Variants in ANGPT1 observed in about 807,000 individuals in gnomAD.
ANGPT1 encodes the protein angiopoietin 1.
In ANGPT1, 17 loss-of-function variants were observed where a neutral mutation model predicts 62.2. That is an observed-to-expected ratio of 0.27 (90% CI 0.19 to 0.41). The LOEUF (loss-of-function observed/expected upper bound fraction) is 0.41, where lower values mean the gene tolerates loss of function less well. ANGPT1 is among the 10% of genes least tolerant of loss of function. The probability of loss-of-function intolerance (pLI) is 1.00; values close to 1 mark genes in which losing one functional copy is unlikely to be tolerated. For synonymous variants in ANGPT1, 199 were observed against 198.9 expected (o/e 1.00, Z 0.00); for missense variants, 478 against 594.9 (o/e 0.80, Z 2.04).
chr8:107,321,014 A>G (rs1815137763), intron 4 of ANGPT1, among the ~76,000 whole-genome samples: 1 of 152,092 alleles, frequency 6.6e-6, no homozygotes, highest in Non-Finnish European at 1.5e-5. Flanking sequence ...ACTCATCACC[A>G]TTTACAATTC....
At chr8:107,472,140 GA>G in intron 1 of ANGPT1, among the ~76,000 whole-genome samples, 1 of 152,050 alleles carries the variant, frequency 6.6e-6, no homozygotes, top group East Asian at 1.9e-4. Context: ...TATGGGTTTT[GA>G]AAAAGAGAAC....
rs1814347362 is a variant in ANGPT1, at chr8:107,293,995, T to C, written c.979A>G (p.Ile327Val). Residue 327 changes from isoleucine to valine, a missense_variant, in exon 6 of 9, where the codon ATA becomes GTA. Around this residue, in one of 4 missense-constraint regions of ANGPT1, gnomAD observed 81 missense variants for 117.1 expected, o/e 0.69. Transcript: ENST00000517746. ...MDVNGGGWTV[I>V]QHREDGSLDF... is the part of the protein sequence containing the mutation. ...AGACTTCCATCTTCACGATGTTGTATTACAGTCCAACCTCCCCCATTGACA... is the reference window on the plus strand; with the variant it reads ...AGACTTCCATCTTCACGATGTTGTACTACAGTCCAACCTCCCCCATTGACA... The C allele has an allele frequency of 1.9e-6, 3 of 1,613,520 alleles. No homozygotes were observed. Among genetic ancestry groups the C allele is most frequent in the Admixed American group, 1.7e-5 (1 of 59,960 alleles).
At chr8:107,348,351 G>A (rs1481112257) in intron 1 of ANGPT1, among the ~76,000 whole-genome samples, 1 of 152,110 alleles carries the variant, frequency 6.6e-6, no homozygotes, top group Non-Finnish European at 1.5e-5. Flanking sequence ...CCTTTGTAAA[G>A]CTTTGGCAGC....
At chr8:107,480,495 G>T (rs931337944) in intron 1 of ANGPT1, among the ~76,000 whole-genome samples, 3 of 152,102 alleles carry the variant, frequency 2.0e-5, no homozygotes, top group African/African-American at 7.2e-5. Context: ...TTTACAAATG[G>T]ATAACTCATT....
At chr8:107,470,163 T>C (rs1812314196) in intron 1 of ANGPT1, among the ~76,000 whole-genome samples, 1 of 152,094 alleles carries the variant, frequency 6.6e-6, no homozygotes, top group Non-Finnish European at 1.5e-5. Context: ...TTACAATAAA[T>C]ATTCAATAAA....
chr8:107,329,632 A>G (rs920787350), intron 3 of ANGPT1, among the ~76,000 whole-genome samples: 1 of 151,802 alleles, frequency 6.6e-6, no homozygotes, highest in African/African-American at 2.4e-5. Flanking sequence ...TTTTTCCACT[A>G]TAAGTATTTT....
intron 1 of ANGPT1, among the ~76,000 whole-genome samples, chr8:107,463,338 C>T (rs561409326): frequency 6.6e-6 from 1 of 152,108 alleles, no homozygotes; most frequent in Non-Finnish European, 1.5e-5. Context: ...CTGAGAGACT[C>T]TAGAGCAAAG....
chr8:107,483,141 T>C (rs1812729269), intron 1 of ANGPT1, among the ~76,000 whole-genome samples: 1 of 152,212 alleles, frequency 6.6e-6, no homozygotes, highest in Non-Finnish European at 1.5e-5. Context: ...TTCAAAATAG[T>C]AGGATACTAT....
In ANGPT1 at chr8:107,294,005, A is replaced by G. The variant is rs1242785158; in HGVS notation, c.969T>C (p.Gly323=). Residue 323 remains glycine (G), a synonymous_variant, in exon 6 of 9, where the codon GGT becomes GGC. Transcript: ENST00000517746. The part of the protein sequence containing the change: ...VFCNMDVNGG[G]WTVIQHREDG... ...CTTCACGATGTTGTATTACAGTCCA[A>G]CCTCCCCCATTGACATCCATATTGC... 4 of 1,613,316 alleles carry G rather than the reference A, an allele frequency of 2.5e-6. No homozygotes were observed. The highest frequency in any genetic ancestry group is 2.2e-5 in the East Asian group (1 of 44,800).
At chr8:107,390,821 G>A (rs1246677911) in intron 1 of ANGPT1, among the ~76,000 whole-genome samples, 1 of 152,104 alleles carries the variant, frequency 6.6e-6, no homozygotes, top group African/African-American at 2.4e-5. Context: ...TCAGTGACTT[G>A]CTCAAGATCA....
At chr8:107,322,352 T>C (rs1312853389) in intron 3 of ANGPT1, among the ~76,000 whole-genome samples, 1 of 152,156 alleles carries the variant, frequency 6.6e-6, no homozygotes, top group Non-Finnish European at 1.5e-5. Context: ...AGAGTAATGT[T>C]TGCTTTTAAC....
intron 1 of ANGPT1, among the ~76,000 whole-genome samples, chr8:107,400,236 C>A (rs571493567): frequency 6.6e-6 from 1 of 152,126 alleles, no homozygotes; most frequent in South Asian, 2.1e-4. Context: ...CCCAAAAGAA[C>A]GAGTAAAACG....
chr8:107,371,256 G>A (rs1239546782), intron 1 of ANGPT1, among the ~76,000 whole-genome samples: 16 of 152,210 alleles, frequency 1.1e-4, no homozygotes, highest in African/African-American at 3.6e-4. Flanking sequence ...AAACTACACA[G>A]TGTGGACTAG....
intron 5 of ANGPT1, among the ~76,000 whole-genome samples, chr8:107,295,829 T>C (rs917240066): frequency 6.6e-6 from 1 of 152,150 alleles, no homozygotes; most frequent in African/African-American, 2.4e-5. Flanking sequence ...AAGAAAGGAA[T>C]TGCTATTAAC....
intron 4 of ANGPT1, 114 bp from the exon 5 acceptor site, chr8:107,303,481 C>T (rs895085553): frequency 1.3e-5 from 11 of 854,810 alleles, no homozygotes; most frequent in Non-Finnish European, 1.9e-5. Flanking sequence ...ATGTCAATAT[C>T]GCACATAGTA....
chr8:107,474,776 C>A (rs1812466830), intron 1 of ANGPT1, among the ~76,000 whole-genome samples: 1 of 152,132 alleles, frequency 6.6e-6, no homozygotes, highest in African/African-American at 2.4e-5. Context: ...CACAAGCATT[C>A]TTATACACCA....
chr8:107,268,403 G>C (rs1023044993), intron 7 of ANGPT1, among the ~76,000 whole-genome samples: 20 of 129,448 alleles, frequency 1.5e-4, no homozygotes, highest in African/African-American at 6.4e-4. Context: ...TACACATGTA[G>C]GGTTGTGTGT....
chr8:107,490,284 G>A (rs1812923977), intron 1 of ANGPT1, among the ~76,000 whole-genome samples: 1 of 152,218 alleles, frequency 6.6e-6, no homozygotes, highest in African/African-American at 2.4e-5. Context: ...CCAACAGGAT[G>A]AAACAGGCAC....
chr8:107,269,705 T>C (rs1410761806), intron 7 of ANGPT1, among the ~76,000 whole-genome samples: 1 of 151,924 alleles, frequency 6.6e-6, no homozygotes, highest in African/African-American at 2.4e-5. Flanking sequence ...ATAAGGAAGC[T>C]GTGAAAAACA....
Sources: gnomAD v4.1 joint callset for allele counts (sites outside exome capture counted in the v4.1 genomes callset) on GRCh38, gnomAD v4.1.1 for gene constraint, gnomAD v4.1.1 regional missense constraint, MANE v1.5 for transcripts, NCBI Gene and HGNC (gene_info 2026-07-23, HGNC 2026-07-21) for gene names.